The following ZC3H11A variants were observed in gnomAD, a reference collection of about 807,000 sequenced individuals.
ZC3H11A encodes the protein zinc finger CCCH domain-containing protein 11A.
In ZC3H11A, 22 loss-of-function variants were observed where a neutral mutation model predicts 90.8. That is an observed-to-expected ratio of 0.24 (90% CI 0.17 to 0.35). The LOEUF (loss-of-function observed/expected upper bound fraction) is 0.35, where lower values mean the gene tolerates loss of function less well. Among genes scored for constraint, ZC3H11A ranks in the 10% least tolerant of loss-of-function variants. The pLI is 1.00. For missense variants in ZC3H11A, 701 were observed against 964.9 expected (o/e 0.73, Z 3.62); for synonymous variants, 294 against 339.8 (o/e 0.87, Z 1.48).
chr1:203,838,081 A>C lies in ZC3H11A; in HGVS notation c.973+17A>C. 1.9e-6 allele frequency: 3 copies of C among 1,611,510 alleles called. No individual in the cohort carries two copies. Among genetic ancestry groups the C allele is most frequent in the Non-Finnish European group, 2.5e-6 (3 of 1,178,174 alleles). On this transcript the variant is annotated intron_variant, in intron 11 of 17. Transcript: ENST00000367210. Reference sequence around the variant, plus strand: ...CAAAGAAAGGTACCTGTGTTCTTACATACTTTGTGTGTGTATGTAATTATG... The same window carrying C: ...CAAAGAAAGGTACCTGTGTTCTTACCTACTTTGTGTGTGTATGTAATTATG...
chr1:203,843,835 T>C (rs1163531461), intron 12 of ZC3H11A, among the ~76,000 whole-genome samples: 6 of 152,182 alleles, frequency 3.9e-5, no homozygotes, highest in Admixed American at 6.5e-5. Flanking sequence ...CTCTTATTTT[T>C]TTTTCTTTAT....
chr1:203,816,370 A>G (rs1191869266), intron 2 of ZC3H11A, among the ~76,000 whole-genome samples: 1 of 152,176 alleles, frequency 6.6e-6, no homozygotes, highest in East Asian at 1.9e-4. Flanking sequence ...CACACCTATA[A>G]TCCCAGCATT....
chr1:203,821,344 A>G (rs1453824592), intron 4 of ZC3H11A, among the ~76,000 whole-genome samples: 21 of 151,978 alleles, frequency 1.4e-4, no homozygotes, highest in Admixed American at 1.4e-3. Context: ...CCAGTCTCAG[A>G]TAGTTCTTTA....
intron 10 of ZC3H11A, among the ~76,000 whole-genome samples, chr1:203,837,576 G>T (rs867303557): frequency 6.6e-6 from 1 of 151,774 alleles, no homozygotes; most frequent in Non-Finnish European, 1.5e-5. Flanking sequence ...CTGGGCTCAA[G>T]TGATCCTTCT....
At chr1:203,798,361 T>C in intron 1 of ZC3H11A, 8 of 1,534,582 alleles carry the variant, frequency 5.2e-6, no homozygotes, top group African/African-American at 2.7e-5. Context: ...CCTCAGCACA[T>C]CTCAAGAGCT....
At chr1:203,828,208 C>G in intron 4 of ZC3H11A, 91 bp from the exon 5 acceptor site, 1 of 1,492,038 alleles carries the variant, frequency 6.7e-7, no homozygotes, top group Non-Finnish European at 9.1e-7. Flanking sequence ...GATTTTTGAA[C>G]CCTGTATGAA....
chr1:203,804,217 T>G (rs1671442083), intron 2 of ZC3H11A, among the ~76,000 whole-genome samples: 2 of 150,898 alleles, frequency 1.3e-5, no homozygotes, highest in South Asian at 4.2e-4. Context: ...AGTGGCGTGA[T>G]CTCGATTCAC....
chr1:203,839,408 T>G (rs527300330), intron 11 of ZC3H11A, among the ~76,000 whole-genome samples: 1 of 152,354 alleles, frequency 6.6e-6, no homozygotes, highest in Non-Finnish European at 1.5e-5. Context: ...TTTTTTCTGC[T>G]TGTATGACTT....
rs908111810 is a variant in ZC3H11A at position 203,818,531 on chromosome 1, T to C, written c.55-39T>C. Reference sequence around the variant, plus strand: ...TATGGATATTTTACCTAGGATGTATTTCAATGCTACAAATAGAGTGTTCTC... The same window carrying C: ...TATGGATATTTTACCTAGGATGTATCTCAATGCTACAAATAGAGTGTTCTC... On this transcript the variant is annotated intron_variant, in intron 3 of 17. Transcript: ENST00000367210. The C allele has an allele frequency of 1.9e-6, 3 of 1,612,908 alleles. No homozygotes were observed. The African/African-American group carries it at 4.0e-5, about 22-fold the overall frequency.
intron 1 of ZC3H11A, chr1:203,798,646 T>C (rs1314582183): frequency 6.5e-7 from 1 of 1,536,094 alleles, no homozygotes; most frequent in South Asian, 1.2e-5. Flanking sequence ...ATGTTAGAGG[T>C]TGAAAACAGA....
intron 4 of ZC3H11A, among the ~76,000 whole-genome samples, chr1:203,820,993 T>C (rs1678462616): frequency 6.6e-6 from 1 of 152,160 alleles, no homozygotes; most frequent in Non-Finnish European, 1.5e-5. Context: ...GTTATTGATG[T>C]GAATTAATGC....
intron 1 of ZC3H11A, chr1:203,799,692 C>T (rs1350671875): frequency 1.4e-6 from 1 of 712,260 alleles, no homozygotes; most frequent in Non-Finnish European, 2.5e-6. Flanking sequence ...CCTTTCCCTG[C>T]AGAAACTCAG....
At chr1:203,850,276 AT>A (rs1688952707) in intron 15 of ZC3H11A, 5 of 666,554 alleles carry the variant, frequency 7.5e-6, no homozygotes, top group African/African-American at 1.8e-5. Context: ...CTGGTATTGA[AT>A]AAAAACAAGG....
chr1:203,846,151 T>C (rs114462159), intron 12 of ZC3H11A, among the ~76,000 whole-genome samples: 2,191 of 121,392 alleles, frequency 0.018, 30 homozygotes, highest in Non-Finnish European at 0.029. Context: ...TGAAAAGATA[T>C]AATTTTTTTG....
intron 9 of ZC3H11A, 33 bp downstream of exon 9, chr1:203,831,804 C>T (rs1378543274): frequency 6.5e-7 from 1 of 1,536,554 alleles, no homozygotes; most frequent in East Asian, 2.3e-5. Context: ...AGTTGTCAAG[C>T]CTCTACTTTT....
chr1:203,849,603 T>A (rs991142391), intron 14 of ZC3H11A, 108 bp from the exon 15 acceptor site: 3 of 1,057,344 alleles, frequency 2.8e-6, no homozygotes, highest in African/African-American at 3.2e-5. Flanking sequence ...TCTCTCAGAT[T>A]CTGGATCATG....
At chr1:203,828,838 G>A (rs1220025806) in intron 5 of ZC3H11A, among the ~76,000 whole-genome samples, 2 of 152,184 alleles carry the variant, frequency 1.3e-5, no homozygotes, top group Non-Finnish European at 2.9e-5. Context: ...AGTTGAGACA[G>A]AAACCATATG....
chr1:203,832,365 A>G (rs1558126808), intron 9 of ZC3H11A, among the ~76,000 whole-genome samples: 1 of 143,502 alleles, frequency 7.0e-6, no homozygotes. Context: ...TTGGCCATTA[A>G]TTTTTTTTTT....
intron 10 of ZC3H11A, among the ~76,000 whole-genome samples, chr1:203,834,637 T>C (rs1683634598): frequency 6.6e-6 from 1 of 152,118 alleles, no homozygotes; most frequent in Non-Finnish European, 1.5e-5. Context: ...CCCTAACGTG[T>C]CTGACTCCAA....
Sources: allele counts gnomAD v4.1 joint callset (sites outside exome capture counted in the v4.1 genomes callset), GRCh38; gene constraint gnomAD v4.1.1; transcripts MANE v1.5; gene names NCBI Gene and HGNC (gene_info 2026-07-23, HGNC 2026-07-21).